Variants in GSE1 observed in about 807,000 individuals in gnomAD.
GSE1 encodes the protein Gse1 coiled-coil protein.
In GSE1, 32 loss-of-function variants were observed where a neutral mutation model predicts 112.6. That is an observed-to-expected ratio of 0.28 (90% CI 0.21 to 0.38). The LOEUF is 0.38. Ranked by LOEUF, GSE1 falls within the 10% of genes least tolerant of loss-of-function variation. The pLI is 1.00. For synonymous variants in GSE1, 1,115 were observed against 735.6 expected (o/e 1.52, Z -8.35); for missense variants, 2,348 against 1,699.2 (o/e 1.38, Z -6.71).
intron 4 of GSE1, 103 bp downstream of exon 4, chr16:85,654,553 C>T: frequency 1.9e-6 from 2 of 1,045,598 alleles, no homozygotes; most frequent in Non-Finnish European, 2.8e-6. Flanking sequence ...TGAGGCTGTG[C>T]CTGCTAGATG....
At chr16:85,563,417 G>A (rs1271607694) in intron 1 of GSE1, among the ~76,000 whole-genome samples, 1 of 152,214 alleles carries the variant, frequency 6.6e-6, no homozygotes, top group Non-Finnish European at 1.5e-5. Context: ...CACATGCCAG[G>A]CCCTCCGCAG....
chr16:85,247,868 A>G (rs1360969896), intron 1 of GSE1, among the ~76,000 whole-genome samples: 5 of 152,228 alleles, frequency 3.3e-5, no homozygotes, highest in African/African-American at 1.2e-4. Context: ...CAGGCCCTGC[A>G]TCCAAGCATG....
At chr16:85,302,064 C>T (rs558258646) in intron 1 of GSE1, among the ~76,000 whole-genome samples, 29 of 152,304 alleles carry the variant, frequency 1.9e-4, no homozygotes, top group African/African-American at 6.7e-4. Context: ...TGCAGGGCAG[C>T]CCTCTGAACA....
intron 1 of GSE1, among the ~76,000 whole-genome samples, chr16:85,633,032 G>GCCGCCGCTA (rs1267728963): frequency 2.0e-5 from 3 of 152,142 alleles, no homozygotes; most frequent in African/African-American, 7.2e-5. Flanking sequence ...CGCCGCCGCT[G>GCCGCCGCTA]TCACCACTGG....
At chr16:85,493,619 G>A (rs1188951550) in intron 2 of GSE1, among the ~76,000 whole-genome samples, 4 of 152,078 alleles carry the variant, frequency 2.6e-5, no homozygotes, top group African/African-American at 9.7e-5. Context: ...CGGGCGTGGT[G>A]GCACATGCCT....
rs546903956 is a variant in GSE1, at chr16:85,264,424, G to A, written c.2283+92617G>A. On this transcript the variant is annotated intron_variant, in intron 1 of 2. Transcript: ENST00000637419. Reference sequence around the variant, plus strand: ...TGTGGGGGTTCCACGCCTCAACTCCGGGGAGCCCCTGAGGTTTCCGGGCCC... The same window carrying A: ...TGTGGGGGTTCCACGCCTCAACTCCAGGGAGCCCCTGAGGTTTCCGGGCCC... Among the ~76,000 whole-genome samples, 18 of 152,146 alleles carry A rather than the reference G, an allele frequency of 1.2e-4. No individual in the cohort carries two copies. In the South Asian group the frequency reaches 2.9e-3, roughly 25 times the overall value.
At chr16:85,656,793 G>C in intron 7 of GSE1, 128 bp downstream of exon 7, 1 of 1,318,872 alleles carries the variant, frequency 7.6e-7, no homozygotes, top group African/African-American at 1.5e-5. Flanking sequence ...TAAAAGCGTG[G>C]TGTGGCTGAA....
chr16:85,641,221 C>T (rs368602824), intron 2 of GSE1, among the ~76,000 whole-genome samples: 2 of 152,282 alleles, frequency 1.3e-5, no homozygotes, highest in African/African-American at 4.8e-5. Context: ...GTACCTGTCT[C>T]AGCTCCTTTG....
At chr16:85,463,980 G>A (rs1340432174) in intron 2 of GSE1, among the ~76,000 whole-genome samples, 4 of 152,138 alleles carry the variant, frequency 2.6e-5, no homozygotes, top group Non-Finnish European at 5.9e-5. Flanking sequence ...GAGAATGGGC[G>A]GGGACGCTGG....
intron 2 of GSE1, among the ~76,000 whole-genome samples, chr16:85,512,565 C>T (rs1476560621): frequency 6.6e-6 from 1 of 152,198 alleles, no homozygotes; most frequent in African/African-American, 2.4e-5. Context: ...GTGGTGTTTT[C>T]TTCCCTCTCT....
At chr16:85,500,512 C>T (rs917814463) in intron 2 of GSE1, among the ~76,000 whole-genome samples, 5 of 152,228 alleles carry the variant, frequency 3.3e-5, no homozygotes, top group East Asian at 1.9e-4. Context: ...CCTGGGTCCC[C>T]GATCTCCATG....
At chr16:85,442,214 C>A (rs1225599403) in intron 2 of GSE1, among the ~76,000 whole-genome samples, 1 of 152,184 alleles carries the variant, frequency 6.6e-6, no homozygotes, top group Admixed American at 6.5e-5. Flanking sequence ...TTTGCTGCCC[C>A]CCTCCTCCTT....
At chr16:85,312,407 G>T (rs2045880241) in intron 1 of GSE1, among the ~76,000 whole-genome samples, 1 of 152,182 alleles carries the variant, frequency 6.6e-6, no homozygotes, top group South Asian at 2.1e-4. Context: ...GCCTCTTCCA[G>T]TTCCCATTGG....
intron 2 of GSE1, among the ~76,000 whole-genome samples, chr16:85,511,969 C>A (rs965179210): frequency 6.6e-6 from 1 of 152,150 alleles, no homozygotes; most frequent in Non-Finnish European, 1.5e-5. Context: ...TTGGAGGGCT[C>A]GATCCCCAGC....
chr16:85,609,913 C>A (rs1014449864), upstream of GSE1, among the ~76,000 whole-genome samples: 3 of 152,158 alleles, frequency 2.0e-5, no homozygotes, highest in African/African-American at 7.2e-5. Flanking sequence ...TATCTTGGCC[C>A]CCCCAAAGTG....
intron 2 of GSE1, among the ~76,000 whole-genome samples, chr16:85,401,970 G>A (rs2048124620): frequency 6.6e-6 from 1 of 152,248 alleles, no homozygotes; most frequent in African/African-American, 2.4e-5. Context: ...GTGCAGCTCA[G>A]TGTCTGGAGC....
At chr16:85,339,830 GAT>G (rs2046586380) in intron 1 of GSE1, among the ~76,000 whole-genome samples, 1 of 152,166 alleles carries the variant, frequency 6.6e-6, no homozygotes, top group Non-Finnish European at 1.5e-5. Flanking sequence ...TGAAGGAGTG[GAT>G]ATACATCGTC....
At chr16:85,425,368 T>G (rs2048949256) in intron 2 of GSE1, among the ~76,000 whole-genome samples, 1 of 149,962 alleles carries the variant, frequency 6.7e-6, no homozygotes, top group Non-Finnish European at 1.5e-5. Flanking sequence ...AGGGTGGAGT[T>G]GCTGGACCCA....
chr16:85,524,056 C>T (rs2052281980), intron 2 of GSE1, among the ~76,000 whole-genome samples: 1 of 152,124 alleles, frequency 6.6e-6, no homozygotes, highest in African/African-American at 2.4e-5. Flanking sequence ...GGGGCCAGGG[C>T]CAGCTGCTGC....
Sources: gnomAD v4.1 joint callset for allele counts (sites outside exome capture counted in the v4.1 genomes callset) on GRCh38, gnomAD v4.1.1 for gene constraint, MANE v1.5 for transcripts, NCBI Gene and HGNC (gene_info 2026-07-23, HGNC 2026-07-21) for gene names.